Variants in ARB2A observed in about 807,000 individuals in gnomAD.
ARB2A encodes the protein cotranscriptional regulator ARB2A.
At chr5:93,784,063 G>A in the ARB2A span, 7 of 179,448 alleles carry the variant, frequency 3.9e-5, no homozygotes, top group Non-Finnish European at 6.9e-5. Flanking sequence ...AATAACTGGT[G>A]GAAAAATTAA....
chr5:93,990,983 G>C, the ARB2A span, among the ~76,000 whole-genome samples: 3 of 152,114 alleles, frequency 2.0e-5, no homozygotes, highest in Non-Finnish European at 4.4e-5. Flanking sequence ...ATTGAAAAGG[G>C]ATTTATGCAG....
At chr5:93,928,066 G>A in the ARB2A span, among the ~76,000 whole-genome samples, 1 of 151,868 alleles carries the variant, frequency 6.6e-6, no homozygotes, top group African/African-American at 2.4e-5. Context: ...GAAAGTTAAG[G>A]TTATATATCC....
the ARB2A span, among the ~76,000 whole-genome samples, chr5:93,637,354 G>GTTTTTTTTTTTTTTTTTTTTT: frequency 8.6e-6 from 1 of 116,110 alleles, no homozygotes; most frequent in Non-Finnish European, 1.7e-5. Flanking sequence ...GGGTTGTTTA[G>GTTTTTTTTTTTTTTTTTTTTT]TTTTTTTTTT....
chr5:93,814,568 G>C, the ARB2A span, among the ~76,000 whole-genome samples: 1 of 152,130 alleles, frequency 6.6e-6, no homozygotes, highest in Non-Finnish European at 1.5e-5. Context: ...TTTACTGTAT[G>C]GATCTTTATA....
chr5:93,640,235 G>A, the ARB2A span, among the ~76,000 whole-genome samples: 2 of 151,370 alleles, frequency 1.3e-5, no homozygotes. Flanking sequence ...GATCACTTGA[G>A]GTCAGTAATT....
At chr5:94,019,486 C>G in the ARB2A span, among the ~76,000 whole-genome samples, 1 of 152,280 alleles carries the variant, frequency 6.6e-6, no homozygotes, top group Non-Finnish European at 1.5e-5. Flanking sequence ...AGGATATGAA[C>G]AGACATTTCT....
At chr5:93,919,782 G>C in the ARB2A span, among the ~76,000 whole-genome samples, 1 of 152,036 alleles carries the variant, frequency 6.6e-6, no homozygotes, top group Non-Finnish European at 1.5e-5. Flanking sequence ...CAAGTGGGAG[G>C]GGGAAAGTAA....
the ARB2A span, among the ~76,000 whole-genome samples, chr5:93,986,035 AC>A: frequency 4.7e-5 from 5 of 107,212 alleles, no homozygotes; most frequent in Non-Finnish European, 7.7e-5. Flanking sequence ...CTGCCTGGCC[AC>A]CCGTCTGGGA....
At chr5:94,107,011 T>C in the ARB2A span, among the ~76,000 whole-genome samples, 1,882 of 151,858 alleles carry the variant, frequency 0.012, 44 homozygotes, top group African/African-American at 0.043. Flanking sequence ...AGGATGAGAA[T>C]TGAAAAACTA....
the ARB2A span, among the ~76,000 whole-genome samples, chr5:93,622,677 C>T: frequency 6.6e-6 from 1 of 152,112 alleles, no homozygotes; most frequent in Non-Finnish European, 1.5e-5. Context: ...AACTAAGACC[C>T]AGTATTAAAG....
chr5:93,850,526 G>A, the ARB2A span, among the ~76,000 whole-genome samples: 2 of 152,166 alleles, frequency 1.3e-5, no homozygotes, highest in African/African-American at 2.4e-5. Flanking sequence ...GAGGGCCAGA[G>A]AAGCTTGCTC....
the ARB2A span, among the ~76,000 whole-genome samples, chr5:93,869,273 A>G: frequency 3.9e-5 from 6 of 152,126 alleles, no homozygotes; most frequent in Non-Finnish European, 7.4e-5. Context: ...AAGTGGGTGA[A>G]GGTTGTGGGA....
chr5:93,650,762 G>A, the ARB2A span, among the ~76,000 whole-genome samples: 5 of 151,806 alleles, frequency 3.3e-5, no homozygotes, highest in African/African-American at 1.2e-4. Flanking sequence ...GGCCAAGTGA[G>A]AGGATTCCTT....
chr5:93,759,525 A>G, the ARB2A span, among the ~76,000 whole-genome samples: 1 of 152,178 alleles, frequency 6.6e-6, no homozygotes, highest in East Asian at 1.9e-4. Context: ...CAATCCAATA[A>G]CATATCAAAA....
chr5:93,861,350 A>G, the ARB2A span: 1 of 128,812 alleles, frequency 7.8e-6, no homozygotes, highest in East Asian at 2.3e-4. Flanking sequence ...CTTATTTGAG[A>G]TACATTTCAG....
the ARB2A span, among the ~76,000 whole-genome samples, chr5:93,637,374 T>C: frequency 4.3e-5 from 6 of 138,548 alleles, no homozygotes; most frequent in South Asian, 6.6e-4. Context: ...TTTTTTTTTT[T>C]TGACTATTAT....
the ARB2A span, among the ~76,000 whole-genome samples, chr5:94,047,989 G>A: frequency 6.7e-6 from 1 of 149,054 alleles, no homozygotes; most frequent in Non-Finnish European, 1.5e-5. Context: ...ATTATAGTAT[G>A]GTTATTCTAT....
At chr5:93,724,734 GT>G in the ARB2A span, among the ~76,000 whole-genome samples, 1 of 151,982 alleles carries the variant, frequency 6.6e-6, no homozygotes, top group South Asian at 2.1e-4. Flanking sequence ...TACATATACA[GT>G]GTTTTGTTTT....
chr5:93,859,319 G>A, the ARB2A span, among the ~76,000 whole-genome samples: 3 of 151,596 alleles, frequency 2.0e-5, no homozygotes, highest in Admixed American at 6.6e-5. Flanking sequence ...TTATCAATAC[G>A]GGAAAAAAGG....
Sources: allele counts gnomAD v4.1 joint callset (sites outside exome capture counted in the v4.1 genomes callset), GRCh38; gene constraint gnomAD v4.1.1; transcripts MANE v1.5; gene names NCBI Gene and HGNC (gene_info 2026-07-23, HGNC 2026-07-21).